Variants in BACH2 observed in about 807,000 individuals in gnomAD.
BACH2 encodes the protein transcription regulator protein BACH2.
A neutral mutation model predicts 61.8 loss-of-function variants in BACH2; 5 were observed. The observed-to-expected ratio is 0.08, with a 90% CI of 0.04 to 0.17. The LOEUF (loss-of-function observed/expected upper bound fraction) is 0.17. Ranked by LOEUF, BACH2 falls within the 10% of genes least tolerant of loss-of-function variation. The pLI, the probability that BACH2 is intolerant of heterozygous loss-of-function variation, is 1.00. For synonymous variants in BACH2, 446 were observed against 440.1 expected, an observed-to-expected ratio of 1.01 and a Z score of -0.17; for missense variants, 824 against 1,091.1, an observed-to-expected ratio of 0.76 and a Z score of 3.45.
chr6:90,103,761 TTCTG>T (rs1782780626), intron 4 of BACH2, among the ~76,000 whole-genome samples: 1 of 152,214 alleles, frequency 6.6e-6, no homozygotes, highest in African/African-American at 2.4e-5. Flanking sequence ...TTTCATGCTT[TTCTG>T]TCAACTTAGG....
intron 4 of BACH2, among the ~76,000 whole-genome samples, chr6:90,097,714 G>A (rs903682727): frequency 2.6e-5 from 4 of 152,080 alleles, no homozygotes; most frequent in Non-Finnish European, 5.9e-5. Context: ...TTAAGTATAC[G>A]GTTCAGTGGC....
chr6:90,072,386 A>T (rs905317495), intron 5 of BACH2, among the ~76,000 whole-genome samples: 1 of 152,170 alleles, frequency 6.6e-6, no homozygotes, highest in African/African-American at 2.4e-5. Context: ...TCTTTGCCCC[A>T]TTATGAGCTG....
intron 5 of BACH2, among the ~76,000 whole-genome samples, chr6:90,053,897 A>C (rs2127795560): frequency 6.6e-6 from 1 of 152,304 alleles, no homozygotes; most frequent in Non-Finnish European, 1.5e-5. Flanking sequence ...AAAGTTGTGA[A>C]GGCCTTTTTA....
chr6:90,149,758 C>T (rs1294359968), intron 4 of BACH2, among the ~76,000 whole-genome samples: 2 of 152,166 alleles, frequency 1.3e-5, no homozygotes, highest in African/African-American at 4.8e-5. Context: ...ATGTGGGGTC[C>T]TTTCCTTCTA....
At position 89,966,268 on chromosome 6, in the gene BACH2, A is replaced by T. The variant is rs561481316; in HGVS notation, c.244-14406T>A. ...AGCTGTACAGTAAGCTGGGATAAAA[A>T]TCATACATGGAAACCAGACTTTTTG... On this transcript the variant is annotated intron_variant, in intron 6 of 8. Transcript: ENST00000257749. 5.9e-5 allele frequency among the ~76,000 whole-genome samples: 9 copies of T among 152,340 alleles called. No homozygotes were observed. In the South Asian group the frequency reaches 1.7e-3, roughly 28 times the overall value.
chr6:89,982,287 G>C (rs1343224522), intron 6 of BACH2, among the ~76,000 whole-genome samples: 1 of 152,066 alleles, frequency 6.6e-6, no homozygotes, highest in Non-Finnish European at 1.5e-5. Flanking sequence ...GAGTGAAGAG[G>C]CTACAGTGGC....
At chr6:90,232,739 T>C (rs1770138708) in intron 3 of BACH2, among the ~76,000 whole-genome samples, 1 of 152,218 alleles carries the variant, frequency 6.6e-6, no homozygotes, top group Non-Finnish European at 1.5e-5. Context: ...TTTTAAGTTT[T>C]GAAAATTGAT....
intron 2 of BACH2, among the ~76,000 whole-genome samples, chr6:90,266,652 T>TA (rs1463840600): frequency 5.3e-5 from 8 of 151,964 alleles, no homozygotes; most frequent in African/African-American, 9.7e-5. Context: ...AAGCCAGACA[T>TA]AAAAAATCAC....
intron 5 of BACH2, among the ~76,000 whole-genome samples, chr6:90,067,899 C>T (rs945661561): frequency 6.6e-6 from 1 of 152,112 alleles, no homozygotes; most frequent in African/African-American, 2.4e-5. Context: ...TTGACATATA[C>T]TAGATGCTCA....
intron 4 of BACH2, among the ~76,000 whole-genome samples, chr6:90,125,591 A>T (rs1241522608): frequency 1.3e-5 from 2 of 152,176 alleles, no homozygotes; most frequent in Non-Finnish European, 2.9e-5. Context: ...CTGGGTGTAA[A>T]ACTGCTTCTC....
intron 5 of BACH2, among the ~76,000 whole-genome samples, chr6:90,072,094 C>T (rs998768496): frequency 5.9e-5 from 9 of 152,160 alleles, no homozygotes; most frequent in South Asian, 2.1e-4. Context: ...TGTGGACCCA[C>T]GCACTTCAAA....
chr6:90,113,143 C>T (rs996590085), intron 4 of BACH2, among the ~76,000 whole-genome samples: 4 of 152,174 alleles, frequency 2.6e-5, no homozygotes, highest in African/African-American at 9.7e-5. Context: ...CAGATTCCCA[C>T]ACAATAGTTG....
intron 4 of BACH2, among the ~76,000 whole-genome samples, chr6:90,124,041 T>C (rs1429453609): frequency 6.6e-6 from 1 of 152,156 alleles, no homozygotes; most frequent in African/African-American, 2.4e-5. Context: ...ATATCTCCAC[T>C]TAAGGGTGGC....
At chr6:90,264,692 T>G (rs1289068327) in intron 2 of BACH2, among the ~76,000 whole-genome samples, 3 of 152,178 alleles carry the variant, frequency 2.0e-5, no homozygotes, top group Non-Finnish European at 2.9e-5. Context: ...GTATCTGGGA[T>G]GGAGGTGAAG....
rs114352121 is a variant in BACH2, at chr6:90,030,302, G to A, written c.-12-21446C>T. 2.7e-3 allele frequency among the ~76,000 whole-genome samples: 416 copies of A among 152,218 alleles called. 1 individual carries two copies. Among genetic ancestry groups the A allele is most frequent in the African/African-American group, 9.2e-3 (384 of 41,534 alleles). On this transcript the variant is annotated intron_variant, in intron 5 of 8. Coordinates refer to ENST00000257749, the MANE Select transcript of BACH2 (RefSeq NM_021813.4). Reference sequence around the variant, plus strand: ...GATGATGCTTTCAGAATGTGACAGCGACCACAGCCCAGGCCTCTGCTGCCC... The same window carrying A: ...GATGATGCTTTCAGAATGTGACAGCAACCACAGCCCAGGCCTCTGCTGCCC...
chr6:90,131,555 G>A (rs919843199), intron 4 of BACH2, among the ~76,000 whole-genome samples: 7 of 152,180 alleles, frequency 4.6e-5, no homozygotes, highest in African/African-American at 1.7e-4. Context: ...GCAAGCTCCA[G>A]AAGGACAGAC....
At chr6:90,255,457 C>G (rs1333531719) in intron 2 of BACH2, among the ~76,000 whole-genome samples, 1 of 152,094 alleles carries the variant, frequency 6.6e-6, no homozygotes, top group Non-Finnish European at 1.5e-5. Flanking sequence ...CAAAGAGTGT[C>G]AGGAAGACAG....
At chr6:90,035,272 GA>G (rs1284952379) in intron 5 of BACH2, among the ~76,000 whole-genome samples, 1 of 152,028 alleles carries the variant, frequency 6.6e-6, no homozygotes, top group Non-Finnish European at 1.5e-5. Flanking sequence ...TCAGCTGCTA[GA>G]AATACTCACT....
intron 4 of BACH2, among the ~76,000 whole-genome samples, chr6:90,174,903 T>C (rs1042520289): frequency 2.0e-5 from 3 of 150,854 alleles, no homozygotes; most frequent in African/African-American, 4.9e-5. Context: ...GTGGTACATA[T>C]GTAGTAAAAC....
Sources: gnomAD v4.1 joint callset for allele counts (sites outside exome capture counted in the v4.1 genomes callset) on GRCh38, gnomAD v4.1.1 for gene constraint, MANE v1.5 for transcripts, NCBI Gene and HGNC (gene_info 2026-07-23, HGNC 2026-07-21) for gene names.